ZNF638: variants seen among roughly 807,000 people sequenced by gnomAD.
ZNF638 encodes the protein zinc finger protein 638, also known as CTCL tumor antigen se33-1.
ZNF638 carries 46 observed loss-of-function variants against 195.6 expected under a neutral mutation model. The ratio of observed to expected loss-of-function variants is 0.24; its 90% confidence interval spans 0.19 to 0.30. The LOEUF (loss-of-function observed/expected upper bound fraction) is 0.30. ZNF638 is among the 10% of genes least tolerant of loss of function. The pLI is 1.00. For synonymous variants in ZNF638, 845 were observed against 772.0 expected (o/e 1.09, Z -1.57); for missense variants, 2,440 against 2,325.3 (o/e 1.05, Z -1.01).
chr2:71,393,431 C>T (rs1367473383), intron 10 of ZNF638: 5 of 718,612 alleles, frequency 7.0e-6, no homozygotes. Context: ...TCAGACCATA[C>T]CATGGCGTGG....
chr2:71,427,943 G>T (rs1029055620), intron 24 of ZNF638, among the ~76,000 whole-genome samples: 8 of 152,140 alleles, frequency 5.3e-5, no homozygotes, highest in Non-Finnish European at 7.3e-5. Context: ...CGTAATCTCA[G>T]CACTTTGGGA....
At position 71,362,146 on chromosome 2, in the gene ZNF638, T is replaced by A. The variant is rs73941815; in HGVS notation, c.1380-1007T>A. 1.9e-3 allele frequency among the ~76,000 whole-genome samples: 289 copies of A among 152,346 alleles called. 1 individual carries two copies. Among genetic ancestry groups the A allele is most frequent in the African/African-American group, 6.4e-3 (265 of 41,584 alleles). ...CAGCCTTTTTCTTAGGCTTCTATGA[T>A]ATTACTGTTTCTCCTACTAGTTTTT... On this transcript the variant is annotated intron_variant, in intron 3 of 27. Transcript: ENST00000264447.
Position 71,396,171 on chromosome 2 carries a change from C to T in ZNF638, c.2408C>T (p.Ala803Val). ...ACTGGACAAGCCAAGGCATCTGTAG[C>T]CAAAGTAAACAAATCTACAGGTATG... ...AKTGQAKASV[A>V]KVNKSTGKSA... Residue 803 changes from alanine to valine, a missense_variant, in exon 11 of 28, where the codon GCC becomes GTC. Ala to Val is a moderately conservative substitution (Grantham distance 64). Transcript: ENST00000264447. 1 of 1,612,826 alleles carries T rather than the reference C, an allele frequency of 6.2e-7. No homozygotes were observed. Among genetic ancestry groups the T allele is most frequent in the Non-Finnish European group, 8.5e-7 (1 of 1,179,650 alleles).
chr2:71,366,377 T>A (rs965989157), intron 6 of ZNF638, among the ~76,000 whole-genome samples: 1 of 150,672 alleles, frequency 6.6e-6, no homozygotes, highest in African/African-American at 2.5e-5. Flanking sequence ...AAAAAAAAAA[T>A]GAAGTTGTCT....
chr2:71,428,442 T>C (rs527802613), intron 24 of ZNF638, 105 bp from the exon 25 acceptor site: 2 of 964,712 alleles, frequency 2.1e-6, no homozygotes, highest in East Asian at 2.6e-5. Context: ...ATTTGGGTAT[T>C]TTTTGCAAAA....
At position 71,364,256 on chromosome 2, in the gene ZNF638, C is replaced by T. The variant is rs1002250396; in HGVS notation, c.1717+4C>T. 36 of 1,603,458 alleles carry T rather than the reference C, an allele frequency of 2.2e-5. No individual in the cohort carries two copies. The highest frequency in any genetic ancestry group is 3.0e-5 in the Non-Finnish European group (35 of 1,174,034). ...AGGAGATCAGTGAGATCATCAGGTA[C>T]ACTGATGGCCATGAAATAGTGAATG... On this transcript the variant is annotated splice_donor_region_variant and intron_variant, in intron 5 of 27. Coordinates refer to ENST00000264447, the MANE Select transcript of ZNF638 (RefSeq NM_014497.5).
intron 18 of ZNF638, 135 bp downstream of exon 18, chr2:71,405,777 T>G: frequency 1.4e-6 from 1 of 696,698 alleles, no homozygotes; most frequent in Non-Finnish European, 2.4e-6. Context: ...CAGATGGGTC[T>G]TCTTGGTAAC....
intron 1 of ZNF638, among the ~76,000 whole-genome samples, chr2:71,334,954 T>G (rs1321475890): frequency 4.7e-5 from 7 of 150,482 alleles, no homozygotes; most frequent in Non-Finnish European, 8.9e-5. Flanking sequence ...CCGGTGAGGG[T>G]TAAGAATAAT....
intron 10 of ZNF638, among the ~76,000 whole-genome samples, chr2:71,389,117 G>A (rs560988090): frequency 2.6e-5 from 4 of 152,060 alleles, no homozygotes; most frequent in South Asian, 2.1e-4. Flanking sequence ...CTACCTTACC[G>A]CCGCCTCCTC....
In ZNF638 at chr2:71,401,971, T is replaced by G; in HGVS notation, c.2713T>G (p.Cys905Gly). The part of the protein sequence containing the change: ...EPLNKETEEM[C>G]VMLVSNLPNK... ...TGTTTTGAAGGAAACAGAAGAAATG[T>G]GTGTGATGCTTGTCTCTAATTTGCC... The change falls in exon 16 of 28, where the codon TGT (cysteine) becomes GGT (glycine). Residue 905 changes from cysteine to glycine, a missense_variant. Cys to Gly is a radical substitution (Grantham distance 159). Around this residue, in one of 5 missense-constraint regions of ZNF638, gnomAD observed 1,883 missense variants for 1,739.1 expected, o/e 1.08. Transcript: ENST00000264447. 5.1e-6 allele frequency: 8 copies of G among 1,578,974 alleles called. No individual in the cohort carries two copies. The highest frequency in any genetic ancestry group is 6.9e-6 in the Non-Finnish European group (8 of 1,164,294).
intron 3 of ZNF638, among the ~76,000 whole-genome samples, chr2:71,356,983 A>C (rs914734366): frequency 6.6e-6 from 1 of 152,090 alleles, no homozygotes; most frequent in African/African-American, 2.4e-5. Context: ...CACTTCTTTC[A>C]CATAGCAAAA....
intron 8 of ZNF638, among the ~76,000 whole-genome samples, 196 bp downstream of exon 8, chr2:71,370,201 G>A (rs1332887975): frequency 6.6e-6 from 1 of 152,052 alleles, no homozygotes; most frequent in East Asian, 1.9e-4. Context: ...ATTAAATAAC[G>A]ACGACTAGGA....
At chr2:71,398,237 T>C (rs1279365534) in intron 11 of ZNF638, among the ~76,000 whole-genome samples, 1 of 152,192 alleles carries the variant, frequency 6.6e-6, no homozygotes, top group Non-Finnish European at 1.5e-5. Flanking sequence ...TAATGAAATA[T>C]CTGGGGGATG....
intron 3 of ZNF638, among the ~76,000 whole-genome samples, chr2:71,360,565 G>A (rs1313285714): frequency 6.6e-6 from 1 of 150,888 alleles, no homozygotes; most frequent in Admixed American, 6.6e-5. Flanking sequence ...TGTTTCGTTT[G>A]TTTTTTGTTT....
intron 26 of ZNF638, among the ~76,000 whole-genome samples, chr2:71,431,759 CAAAA>C (rs67530729): frequency 9.8e-6 from 1 of 102,228 alleles, no homozygotes; most frequent in Non-Finnish European, 2.1e-5. Flanking sequence ...GACTCCGTCT[CAAAA>C]AAAAAAAAAA....
intron 7 of ZNF638, among the ~76,000 whole-genome samples, chr2:71,369,133 G>C (rs1043231603): frequency 1.3e-5 from 2 of 151,484 alleles, no homozygotes; most frequent in African/African-American, 4.9e-5. Context: ...TCAGGAGTTT[G>C]AGACCAGCCC....
Position 71,334,339 on chromosome 2 carries a change from C to T in ZNF638, c.-203+2464C>T, listed in dbSNP as rs548634211. ...TACTTCCAGTATTGGTACCCAGTAA[C>T]ATAGCTTGGGCTGTTTTGCAAGGAA... On this transcript the variant is annotated intron_variant, in intron 1 of 27. Transcript: ENST00000264447. Among the ~76,000 whole-genome samples the T allele has an allele frequency of 1.2e-3, 187 of 152,206 alleles. 2 individuals carry two copies. Among genetic ancestry groups the T allele is most frequent in the Non-Finnish European group, 2.1e-3 (143 of 68,044 alleles).
chr2:71,433,056 C>A (rs2080699403), intron 26 of ZNF638, 109 bp from the exon 27 acceptor site: 4 of 907,050 alleles, frequency 4.4e-6, no homozygotes, highest in Non-Finnish European at 7.0e-6. Context: ...CACTGCCCTC[C>A]AACCTGGATG....
Position 71,380,520 on chromosome 2 carries a change from G to A in ZNF638, c.2332G>A (p.Ala778Thr), listed in dbSNP as rs139995993. Residue 778 changes from alanine to threonine, a missense_variant, in exon 10 of 28, where the codon GCA (alanine) becomes ACA (threonine). Coordinates refer to ENST00000264447, the MANE Select transcript of ZNF638 (RefSeq NM_014497.5). ...TTTTCTCCTTTTAAATAGAAGAGAT[G>A]CAGATGCTTCAAAAGCTGTTGAAAT... ...KVSASTLKRD[A>T]DASKAVEIVT... The A allele has an allele frequency of 3.1e-6, 5 of 1,605,610 alleles. No individual in the cohort carries two copies. Among genetic ancestry groups the A allele is most frequent in the Non-Finnish European group, 4.2e-6 (5 of 1,177,050 alleles).
Sources: allele counts gnomAD v4.1 joint callset (sites outside exome capture counted in the v4.1 genomes callset), GRCh38; gene constraint gnomAD v4.1.1; regional missense constraint gnomAD v4.1.1; transcripts MANE v1.5; gene names NCBI Gene and HGNC (gene_info 2026-07-23, HGNC 2026-07-21).